GRID2: variants seen among roughly 807,000 people sequenced by gnomAD.
The protein encoded by GRID2 is glutamate ionotropic receptor delta type subunit 2, also known as glutamate receptor ionotropic, delta-2.
In GRID2, 33 loss-of-function variants were observed where a neutral mutation model predicts 114.8. The ratio of observed to expected loss-of-function variants is 0.29; its 90% CI spans 0.22 to 0.38. The LOEUF is 0.38. Among genes scored for constraint, GRID2 ranks in the 10% least tolerant of loss-of-function variants. The pLI is 1.00. For missense variants in GRID2, 1,184 were observed against 1,257.7 expected (o/e 0.94, Z 0.89); for synonymous variants, 505 against 449.9 (o/e 1.12, Z -1.55).
intron 1 of GRID2, among the ~76,000 whole-genome samples, chr4:92,508,569 TGAGA>T (rs1252235522): frequency 6.6e-6 from 1 of 151,786 alleles, no homozygotes; most frequent in East Asian, 1.9e-4. Flanking sequence ...GAGAAGACAC[TGAGA>T]AAGAGCAGGC....
chr4:93,296,998 C>A (rs1360589947), intron 8 of GRID2, among the ~76,000 whole-genome samples: 1 of 152,094 alleles, frequency 6.6e-6, no homozygotes, highest in African/African-American at 2.4e-5. Context: ...TTGGTATTGT[C>A]AATTAAAAAA....
chr4:92,577,049 C>A (rs1027811387), intron 1 of GRID2, among the ~76,000 whole-genome samples: 1 of 151,978 alleles, frequency 6.6e-6, no homozygotes, highest in Non-Finnish European at 1.5e-5. Flanking sequence ...ATAAATTCTC[C>A]ATTTTGATTT....
Position 93,747,157 on chromosome 4 carries a change from A to G in GRID2, c.2361-22053A>G, listed in dbSNP as rs536708349. 6.4e-4 allele frequency among the ~76,000 whole-genome samples: 98 copies of G among 152,220 alleles called. 4 individuals are homozygous for G. The South Asian group carries it at 0.02, about 30-fold the overall frequency. On this transcript the variant is annotated intron_variant, in intron 14 of 15. Transcript: ENST00000282020. The stretch of plus-strand genomic sequence containing the variant: ...ACACAGTTGGAAGCAATTATTTAAA[A>G]CCACACATAATTTATCTGGAGGTTT...
At chr4:93,631,101 A>G (rs1418621822) in intron 14 of GRID2, among the ~76,000 whole-genome samples, 1 of 152,200 alleles carries the variant, frequency 6.6e-6, no homozygotes, top group African/African-American at 2.4e-5. Context: ...GCTGAGACTC[A>G]AACCCAGAGT....
At chr4:92,494,001 C>T (rs1015012219) in intron 1 of GRID2, among the ~76,000 whole-genome samples, 4 of 152,246 alleles carry the variant, frequency 2.6e-5, no homozygotes, top group Admixed American at 2.0e-4. Context: ...TAGCTCCTTG[C>T]ACTTCAGCTA....
chr4:93,407,676 A>ATTTT (rs34308935), intron 9 of GRID2, among the ~76,000 whole-genome samples: 4 of 140,240 alleles, frequency 2.9e-5, no homozygotes, highest in South Asian at 4.4e-4. Flanking sequence ...ATTTTTCAGA[A>ATTTT]TTTTTTTTTT....
chr4:93,804,397 C>T (rs148158764), intron 1 of GRID2, among the ~76,000 whole-genome samples: 27 of 152,242 alleles, frequency 1.8e-4, no homozygotes, highest in African/African-American at 6.5e-4. Flanking sequence ...TATAATATAA[C>T]CTATTGCTCT....
intron 13 of GRID2, among the ~76,000 whole-genome samples, chr4:93,567,478 A>G (rs1045238891): frequency 2.0e-5 from 3 of 152,218 alleles, no homozygotes; most frequent in Admixed American, 1.3e-4. Context: ...CTAAAATTTT[A>G]AAAATAAAAT....
rs536425595 is a variant in GRID2, at chr4:93,051,008, T to A, written c.245-33987T>A. On this transcript the variant is annotated intron_variant, in intron 2 of 15. Coordinates refer to ENST00000282020, the MANE Select transcript of GRID2 (RefSeq NM_001510.4). ...ATAAAGGTCATACCACTGAGGGATT[T>A]TCAGCTGTGAGTAAACAAATTCAGA... is the stretch of plus-strand genomic sequence containing the variant. Among the ~76,000 whole-genome samples, 3 of 152,172 alleles carry A rather than the reference T, an allele frequency of 2.0e-5. No homozygotes were observed. The South Asian group carries it at 6.2e-4, about 32-fold the overall frequency.
chr4:92,974,208 G>A (rs1753707281), intron 2 of GRID2, among the ~76,000 whole-genome samples: 2 of 152,116 alleles, frequency 1.3e-5, no homozygotes, highest in South Asian at 4.1e-4. Flanking sequence ...AGAGGTTGTG[G>A]AAAAATAGGA....
In GRID2 at chr4:93,728,416, A is replaced by G. The variant is rs530398404; in HGVS notation, c.2361-40794A>G. ...GTGCTTTACTTCCAACTATGTGGTC[A>G]ATTTTGGAATAGGTGTGGTGTGGTG... On this transcript the variant is annotated intron_variant, in intron 14 of 15. Transcript: ENST00000282020. 4.6e-3 allele frequency among the ~76,000 whole-genome samples: 702 copies of G among 152,206 alleles called. 6 individuals carry two copies. Among genetic ancestry groups the G allele is most frequent in the African/African-American group, 0.016 (661 of 41,536 alleles).
rs1057344210 is a variant in GRID2 at position 93,679,395 on chromosome 4, C to A, written c.2360+52960C>A. ...GAGACAGAAAGTTAACAAGGATACCCAGGAATTGAACTCAGCTCTGCACCA... is the reference window on the plus strand; with the variant it reads ...GAGACAGAAAGTTAACAAGGATACCAAGGAATTGAACTCAGCTCTGCACCA... On this transcript the variant is annotated intron_variant, in intron 14 of 15. Coordinates refer to ENST00000282020, the MANE Select transcript of GRID2 (RefSeq NM_001510.4). Among the ~76,000 whole-genome samples, 3 of 150,742 alleles carry A rather than the reference C, an allele frequency of 2.0e-5. 1 individual carries two copies. The highest frequency in any genetic ancestry group is 3.0e-5 in the Non-Finnish European group (2 of 67,794).
At chr4:92,938,771 G>A (rs1750866773) in intron 2 of GRID2, among the ~76,000 whole-genome samples, 1 of 137,872 alleles carries the variant, frequency 7.3e-6, no homozygotes, top group Non-Finnish European at 1.6e-5. Flanking sequence ...GTGTCCATGT[G>A]TTCTCATTAT....
At chr4:93,488,370 T>G (rs1403876980) in intron 11 of GRID2, among the ~76,000 whole-genome samples, 6 of 151,970 alleles carry the variant, frequency 3.9e-5, no homozygotes, top group African/African-American at 1.4e-4. Flanking sequence ...GTTAGCCTGT[T>G]CTGAATATAA....
chr4:93,781,441 C>T (rs967225757), intron 1 of GRID2, among the ~76,000 whole-genome samples: 1 of 151,720 alleles, frequency 6.6e-6, no homozygotes, highest in Non-Finnish European at 1.5e-5. Flanking sequence ...CGGTGAGGGG[C>T]TGCGGTGAGG....
At chr4:93,006,036 C>T (rs895577764) in intron 2 of GRID2, among the ~76,000 whole-genome samples, 1 of 151,960 alleles carries the variant, frequency 6.6e-6, no homozygotes, top group Admixed American at 6.6e-5. Context: ...CCTAGAGTGG[C>T]CTATTCTAGC....
chr4:93,651,239 G>T lies in GRID2; in HGVS notation c.2360+24804G>T, dbSNP rs1182316718. ...AAACAACCACTTCATGTGTTTCCTA[G>T]GGGTTAGACTGTTCCATTTCCTTTC... On this transcript the variant is annotated intron_variant, in intron 14 of 15. Transcript: ENST00000282020. Among the ~76,000 whole-genome samples, 6 of 152,138 alleles carry T rather than the reference G, an allele frequency of 3.9e-5. No individual in the cohort carries two copies. The East Asian group carries it at 9.6e-4, about 24-fold the overall frequency.
At chr4:93,726,297 A>C (rs1358947145) in intron 14 of GRID2, among the ~76,000 whole-genome samples, 1 of 152,078 alleles carries the variant, frequency 6.6e-6, no homozygotes. Context: ...ATAGTTGTAG[A>C]TATGCGGCAT....
At chr4:93,242,023 T>C (rs774530060) in intron 8 of GRID2, among the ~76,000 whole-genome samples, 1 of 151,818 alleles carries the variant, frequency 6.6e-6, no homozygotes, top group Admixed American at 6.6e-5. Flanking sequence ...GATGGAGTAC[T>C]TAACCATAGG....
Sources: allele counts gnomAD v4.1 joint callset (sites outside exome capture counted in the v4.1 genomes callset), GRCh38; gene constraint gnomAD v4.1.1; transcripts MANE v1.5; gene names NCBI Gene and HGNC (gene_info 2026-07-23, HGNC 2026-07-21).